The following DPP10 variants were observed in gnomAD, a reference collection of about 807,000 sequenced individuals.
DPP10 encodes inactive dipeptidyl peptidase 10.
DPP10 carries 33 observed loss-of-function variants against 120.9 expected under a neutral mutation model. That is an observed-to-expected ratio of 0.27 (90% CI 0.21 to 0.37). The LOEUF (loss-of-function observed/expected upper bound fraction) is 0.37, where lower values mean the gene tolerates loss of function less well. Ranked by LOEUF, DPP10 falls within the 10% of genes least tolerant of loss-of-function variation. The pLI is 1.00. For missense variants in DPP10, 816 were observed against 942.8 expected (o/e 0.87, Z 1.76); for synonymous variants, 337 against 326.1 (o/e 1.03, Z -0.36).
At chr2:115,645,324 A>G (rs945165409) in intron 5 of DPP10, among the ~76,000 whole-genome samples, 9 of 152,148 alleles carry the variant, frequency 5.9e-5, no homozygotes, top group Non-Finnish European at 8.8e-5. Flanking sequence ...GTAATTTTCA[A>G]TTTATTTAGA....
intron 1 of DPP10, among the ~76,000 whole-genome samples, chr2:115,303,260 C>A (rs2061222026): frequency 6.6e-6 from 1 of 151,706 alleles, no homozygotes; most frequent in African/African-American, 2.4e-5. Flanking sequence ...TTAAATAGTG[C>A]AAAAGTTATT....
intron 1 of DPP10, among the ~76,000 whole-genome samples, chr2:115,046,344 A>G (rs1482049154): frequency 6.6e-6 from 1 of 152,228 alleles, no homozygotes; most frequent in Non-Finnish European, 1.5e-5. Context: ...TCCACTCAAA[A>G]TCACACCATT....
chr2:114,912,587 C>T (rs538288848), intron 1 of DPP10, among the ~76,000 whole-genome samples: 1 of 152,112 alleles, frequency 6.6e-6, no homozygotes, highest in East Asian at 1.9e-4. Context: ...ATATTCCCAA[C>T]AGATCTTTGA....
chr2:115,327,275 T>A (rs2062423282), intron 2 of DPP10, among the ~76,000 whole-genome samples: 2 of 151,968 alleles, frequency 1.3e-5, no homozygotes, highest in South Asian at 2.1e-4. Context: ...TTCTACGATG[T>A]CTGCACAACC....
chr2:115,348,607 C>T (rs2106287371), intron 3 of DPP10, among the ~76,000 whole-genome samples: 1 of 152,196 alleles, frequency 6.6e-6, no homozygotes, highest in African/African-American at 2.4e-5. Context: ...TAGATAAAAT[C>T]AATCAAGTGC....
rs541911047 is a variant in DPP10 at position 114,712,118 on chromosome 2, G to A, written c.60+269280G>A. 1.1e-3 allele frequency among the ~76,000 whole-genome samples: 175 copies of A among 152,198 alleles called. 1 individual carries two copies. Among genetic ancestry groups the A allele is most frequent in the Non-Finnish European group, 2.2e-3 (152 of 68,004 alleles). On this transcript the variant is annotated intron_variant, in intron 1 of 25. Coordinates refer to ENST00000410059, the MANE Select transcript of DPP10 (RefSeq NM_020868.6). The stretch of plus-strand genomic sequence containing the variant: ...GCGGATCACCTGAGGTCAGGAGTTC[G>A]ATAACAGCCTAGCCAACATGGTGAA...
chr2:115,198,455 A>G (rs2055447609), intron 1 of DPP10, among the ~76,000 whole-genome samples: 1 of 152,262 alleles, frequency 6.6e-6, no homozygotes, highest in Non-Finnish European at 1.5e-5. Flanking sequence ...TTACCCTTTA[A>G]TATAACTTTC....
intron 1 of DPP10, among the ~76,000 whole-genome samples, chr2:114,454,498 T>G (rs1164765146): frequency 6.6e-6 from 1 of 152,212 alleles, no homozygotes; most frequent in Non-Finnish European, 1.5e-5. Flanking sequence ...CTGCCTCCTA[T>G]TTGAGTGTCT....
At chr2:115,342,724 A>G (rs942691553) in intron 2 of DPP10, among the ~76,000 whole-genome samples, 2 of 152,202 alleles carry the variant, frequency 1.3e-5, no homozygotes, top group African/African-American at 4.8e-5. Context: ...TCGTTTTGCA[A>G]AGCTCTATAC....
At chr2:115,331,897 T>C (rs952884298) in intron 2 of DPP10, among the ~76,000 whole-genome samples, 11 of 152,132 alleles carry the variant, frequency 7.2e-5, no homozygotes, top group African/African-American at 2.4e-4. Flanking sequence ...TTTTTTGTTG[T>C]GTCTCTGCCA....
chr2:114,620,753 T>C (rs1694031078), intron 1 of DPP10, among the ~76,000 whole-genome samples: 1 of 152,056 alleles, frequency 6.6e-6, no homozygotes, highest in Admixed American at 6.6e-5. Flanking sequence ...TCAGCCCCAC[T>C]GCAAAAACCT....
chr2:115,784,843 C>A (rs1255663187), intron 17 of DPP10, among the ~76,000 whole-genome samples: 2 of 152,018 alleles, frequency 1.3e-5, no homozygotes, highest in East Asian at 3.9e-4. Flanking sequence ...AAACTTAATT[C>A]TTTTATATCA....
intron 1 of DPP10, among the ~76,000 whole-genome samples, chr2:114,566,467 C>T (rs559814156): frequency 7.2e-5 from 11 of 152,198 alleles, no homozygotes; most frequent in African/African-American, 1.9e-4. Flanking sequence ...TAGCATTTTG[C>T]GTTATCATGG....
intron 1 of DPP10, among the ~76,000 whole-genome samples, chr2:114,560,928 C>T (rs1014509925): frequency 9.8e-5 from 15 of 152,308 alleles, no homozygotes; most frequent in East Asian, 1.9e-4. Context: ...GGGAAAGGCA[C>T]GATTCACCAG....
Position 114,843,705 on chromosome 2 carries a change from C to T in DPP10, c.60+400867C>T, listed in dbSNP as rs889941344. 3.3e-5 allele frequency among the ~76,000 whole-genome samples: 5 copies of T among 152,148 alleles called. No homozygotes were observed. In the South Asian group the frequency reaches 8.3e-4, roughly 25 times the overall value. On this transcript the variant is annotated intron_variant, in intron 1 of 25. Transcript: ENST00000410059. Reference sequence around the variant, plus strand: ...GTCTGGCTCTCAGAACTAATATAACCTTCTTTCCCATTTATCATTCTGGTC... The same window carrying T: ...GTCTGGCTCTCAGAACTAATATAACTTTCTTTCCCATTTATCATTCTGGTC...
chr2:115,774,692 G>A (rs1276631598), intron 13 of DPP10, among the ~76,000 whole-genome samples: 1 of 152,092 alleles, frequency 6.6e-6, no homozygotes, highest in Non-Finnish European at 1.5e-5. Flanking sequence ...TAGACGTCTA[G>A]AGAACTTCCA....
At chr2:115,340,946 T>C (rs889432180) in intron 2 of DPP10, among the ~76,000 whole-genome samples, 2 of 152,056 alleles carry the variant, frequency 1.3e-5, no homozygotes, top group African/African-American at 4.8e-5. Context: ...ATTGAAGGGA[T>C]CTGATTAGAC....
chr2:115,636,931 A>G (rs951222668), intron 5 of DPP10, among the ~76,000 whole-genome samples: 1 of 152,160 alleles, frequency 6.6e-6, no homozygotes, highest in Non-Finnish European at 1.5e-5. Context: ...AAGACAAGCA[A>G]TTTAAACAGG....
At chr2:114,935,793 C>A (rs1036965123) in intron 1 of DPP10, among the ~76,000 whole-genome samples, 1 of 151,800 alleles carries the variant, frequency 6.6e-6, no homozygotes, top group Non-Finnish European at 1.5e-5. Context: ...TAAACAAGTG[C>A]CTCCAGACAA....
Sources: gnomAD v4.1 joint callset for allele counts (sites outside exome capture counted in the v4.1 genomes callset) on GRCh38, gnomAD v4.1.1 for gene constraint, MANE v1.5 for transcripts, NCBI Gene and HGNC (gene_info 2026-07-23, HGNC 2026-07-21) for gene names.